The following WT1 variants were observed in gnomAD, a reference collection of about 807,000 sequenced individuals.
WT1 encodes the protein Wilms tumor protein.
Under a neutral mutation model 60.8 loss-of-function variants are expected in WT1, and 8 were observed. The observed-to-expected ratio is 0.13, with a 90% CI of 0.08 to 0.24. WT1 has a LOEUF of 0.24. Ranked by LOEUF, WT1 falls within the 10% of genes least tolerant of loss-of-function variation. The probability of loss-of-function intolerance (pLI) is 1.00; values close to 1 mark genes in which losing one functional copy is unlikely to be tolerated. For missense variants in WT1, 568 were observed against 711.8 expected, an observed-to-expected ratio of 0.80 and a Z score of 2.30; for synonymous variants, 312 against 297.1, an observed-to-expected ratio of 1.05 and a Z score of -0.52.
At chr11:32,401,652 G>C (rs893676833) in intron 5 of WT1, among the ~76,000 whole-genome samples, 4 of 152,022 alleles carry the variant, frequency 2.6e-5, no homozygotes, top group African/African-American at 9.7e-5. Context: ...TGATTCTCCT[G>C]CCTCAGCCTC....
At chr11:32,425,381 C>T (rs1005262494) in intron 3 of WT1, among the ~76,000 whole-genome samples, 1 of 152,048 alleles carries the variant, frequency 6.6e-6, no homozygotes, top group Admixed American at 6.6e-5. Flanking sequence ...TACCTAAAAT[C>T]CAAAAGTTAG....
chr11:32,407,807 TAAACAC>T (rs1377090167), intron 5 of WT1, among the ~76,000 whole-genome samples: 1 of 152,052 alleles, frequency 6.6e-6, no homozygotes, highest in Non-Finnish European at 1.5e-5. Context: ...CCTTAAAGTT[TAAACAC>T]AAGAGAAGAG....
In WT1 at chr11:32,426,868, C is replaced by A. The variant is rs113984094; in HGVS notation, c.887+1088G>T. On this transcript the variant is annotated intron_variant, in intron 3 of 9. Coordinates refer to ENST00000452863, the MANE Select transcript of WT1 (RefSeq NM_024426.6). Reference sequence around the variant, plus strand: ...CCTGGGGCTGCGCCTCGCTCCGGATCGAGGACTCCCGCCCCTCCTCCACCT... The same window carrying A: ...CCTGGGGCTGCGCCTCGCTCCGGATAGAGGACTCCCGCCCCTCCTCCACCT... 4.4e-3 allele frequency among the ~76,000 whole-genome samples: 665 copies of A among 152,238 alleles called. 5 individuals are homozygous for A. Among genetic ancestry groups the A allele is most frequent in the Middle Eastern group, 0.024 (7 of 294 alleles).
rs1270194946 is a variant in WT1, at chr11:32,435,277, C to A, written c.84G>T (p.Gly28=). ...CCTGCTGCTCTGGCTGCTGTAGGCACCCAGGCCCGGAGCGGAGCGTGTGCT... is the reference window on the plus strand; with the variant it reads ...CCTGCTGCTCTGGCTGCTGTAGGCAACCAGGCCCGGAGCGGAGCGTGTGCT... Residue 28 remains glycine, a synonymous_variant, in exon 1 of 10, where the codon GGG becomes GGT. Coordinates refer to ENST00000452863, the MANE Select transcript of WT1 (RefSeq NM_024426.6). 2 of 1,534,464 alleles carry A rather than the reference C, an allele frequency of 1.3e-6. No individual in the cohort carries two copies. Among genetic ancestry groups the A allele is most frequent in the Middle Eastern group, 4.0e-4 (2 of 4,954 alleles).
intron 5 of WT1, among the ~76,000 whole-genome samples, chr11:32,402,978 G>GT (rs1392859454): frequency 6.6e-6 from 1 of 152,182 alleles, no homozygotes; most frequent in Non-Finnish European, 1.5e-5. Flanking sequence ...TTCCTGGAGG[G>GT]TGGGGGCATG....
intron 6 of WT1, among the ~76,000 whole-genome samples, chr11:32,397,837 T>C (rs762154283): frequency 2.6e-5 from 4 of 152,170 alleles, no homozygotes; most frequent in African/African-American, 9.7e-5. Context: ...TCAGGGATAA[T>C]GAAGGCATAA....
rs2133037709 is a variant in WT1 at position 32,417,643 on chromosome 11, T to C, written c.899A>G (p.Tyr300Cys). ...GCATTCAAGCTGGGATGTCATTTGG[T>C]ATAAATTGTCACTGTTAGAAAAACA... Residue 300 changes from tyrosine (Y) to cysteine (C), a missense_variant, in exon 4 of 10, where the codon TAC becomes TGC. Coordinates refer to ENST00000452863, the MANE Select transcript of WT1 (RefSeq NM_024426.6). 6.2e-7 allele frequency: 1 copy of C among 1,613,890 alleles called. No individual in the cohort carries two copies. The highest frequency in any genetic ancestry group is 8.5e-7 in the Non-Finnish European group (1 of 1,179,924).
At chr11:32,389,729 T>C (rs79147948) in intron 9 of WT1, among the ~76,000 whole-genome samples, 9 of 152,144 alleles carry the variant, frequency 5.9e-5, no homozygotes, top group African/African-American at 1.9e-4. Flanking sequence ...TTACATGTTA[T>C]GTGTTGTTTT....
intron 3 of WT1, among the ~76,000 whole-genome samples, chr11:32,421,175 C>G (rs925527161): frequency 1.3e-5 from 2 of 152,216 alleles, no homozygotes; most frequent in Non-Finnish European, 2.9e-5. Flanking sequence ...CATGCTCAGG[C>G]TCTGATCTCT....
At chr11:32,430,270 G>T (rs1382963849) in intron 1 of WT1, among the ~76,000 whole-genome samples, 1 of 152,074 alleles carries the variant, frequency 6.6e-6, no homozygotes, top group Non-Finnish European at 1.5e-5. Context: ...GCACGTTTGG[G>T]CTTCCACAGA....
At chr11:32,392,576 C>T (rs1314947514) in intron 8 of WT1, 90 bp downstream of exon 8, 2 of 1,271,018 alleles carry the variant, frequency 1.6e-6, no homozygotes, top group Non-Finnish European at 2.3e-6. Context: ...GGCTGACTCT[C>T]TCATTCATAT....
chr11:32,416,446 A>G, intron 5 of WT1, 44 bp downstream of exon 5: 1 of 1,613,642 alleles, frequency 6.2e-7, no homozygotes. Context: ...CCAGTCAGCA[A>G]GGCCTACGCC....
Position 32,389,175 on chromosome 11 carries a change from T to C in WT1, c.1452A>G (p.Glu484=), listed in dbSNP as rs2132900017. 1.9e-6 allele frequency: 3 copies of C among 1,613,940 alleles called. No homozygotes were observed. The highest frequency in any genetic ancestry group is 1.7e-4 in the Middle Eastern group (1 of 6,058). ...TTGGCCACCGACAGCTGAAGGGCTTTTCACCTGTTGACACAATTGCCAGTC... is the reference window on the plus strand; with the variant it reads ...TTGGCCACCGACAGCTGAAGGGCTTCTCACCTGTTGACACAATTGCCAGTC... The change falls in exon 10 of 10, where the codon GAA becomes GAG. Residue 484 remains glutamate, a synonymous_variant. Coordinates refer to ENST00000452863, the MANE Select transcript of WT1 (RefSeq NM_024426.6).
chr11:32,394,648 A>C (rs1429345226), intron 7 of WT1, among the ~76,000 whole-genome samples: 1 of 152,250 alleles, frequency 6.6e-6, no homozygotes, highest in Non-Finnish European at 1.5e-5. Context: ...CCTGACACCC[A>C]AAAAGTACTT....
At chr11:32,430,720 C>T in intron 1 of WT1, 1 of 1,394,020 alleles carries the variant, frequency 7.2e-7, no homozygotes, top group Admixed American at 2.9e-5. Flanking sequence ...CCCTCCTAGG[C>T]CTCCTCCCAG....
At chr11:32,422,501 A>G (rs1590383461) in intron 3 of WT1, among the ~76,000 whole-genome samples, 2 of 152,358 alleles carry the variant, frequency 1.3e-5, no homozygotes, top group South Asian at 4.1e-4. Flanking sequence ...ACATAGGTAC[A>G]CAAGTGAAAA....
Position 32,435,081 on chromosome 11 carries a change from C to G in WT1, c.280G>C (p.Gly94Arg). Residue 94 changes from glycine to arginine, a missense_variant, in exon 1 of 10, where the codon GGC (glycine) becomes CGC (arginine). Transcript: ENST00000452863. ...CTCACAGGCAGGGCACAGCCGCCGC[C>G]GCCACCCAGGGAGGGGACGGCGGGC... The G allele has an allele frequency of 6.7e-7, 1 of 1,492,700 alleles. No homozygotes were observed. The highest frequency in any genetic ancestry group is 1.3e-5 in the South Asian group (1 of 79,120). The allele number at this position is 1,492,700 out of a possible 1,614,324, so 92.5% of individuals were successfully genotyped here. A position where few individuals can be genotyped will look rare whatever the true frequency, so the allele number is the denominator to read the frequency against.
At chr11:32,433,894 G>C (rs563419231) in intron 1 of WT1, among the ~76,000 whole-genome samples, 49 of 152,384 alleles carry the variant, frequency 3.2e-4, no homozygotes, top group African/African-American at 1.1e-3. Context: ...ACAAGATGAA[G>C]AGGCGCCCCA....
chr11:32,431,062 C>A (rs986263930), intron 1 of WT1, among the ~76,000 whole-genome samples: 1 of 152,138 alleles, frequency 6.6e-6, no homozygotes. Flanking sequence ...GGGAGGGGAG[C>A]GCAACCTTGA....
Sources: gnomAD v4.1 joint callset for allele counts (sites outside exome capture counted in the v4.1 genomes callset) on GRCh38, gnomAD v4.1.1 for gene constraint, MANE v1.5 for transcripts, NCBI Gene and HGNC (gene_info 2026-07-23, HGNC 2026-07-21) for gene names.